Variants in DCC observed in about 807,000 individuals in gnomAD.
DCC encodes netrin receptor DCC.
Under a neutral mutation model 172.5 loss-of-function variants are expected in DCC, and 58 were observed. The observed-to-expected ratio is 0.34, with a 90% confidence interval of 0.27 to 0.42. DCC has a LOEUF of 0.42. Ranked by LOEUF, DCC falls within the 10% of genes least tolerant of loss-of-function variation. The pLI, the probability that DCC is intolerant of heterozygous loss-of-function variation, is 1.00. For missense variants in DCC, 1,740 were observed against 1,791.0 expected, an observed-to-expected ratio of 0.97 and a Z score of 0.51; for synonymous variants, 709 against 644.5, an observed-to-expected ratio of 1.10 and a Z score of -1.52.
intron 1 of DCC, among the ~76,000 whole-genome samples, chr18:52,432,918 C>T (rs958162275): frequency 3.3e-5 from 5 of 152,282 alleles, no homozygotes; most frequent in East Asian, 1.9e-4. Context: ...CTGTCCTGTG[C>T]TTCCATCTTT....
At chr18:53,494,282 A>G (rs1374544687) in intron 26 of DCC, among the ~76,000 whole-genome samples, 1 of 152,158 alleles carries the variant, frequency 6.6e-6, no homozygotes. Context: ...ATGTAGTGCT[A>G]CAAAGAATGT....
chr18:52,484,317 G>A (rs1180119728), intron 1 of DCC, among the ~76,000 whole-genome samples: 6 of 152,022 alleles, frequency 3.9e-5, no homozygotes, highest in African/African-American at 1.4e-4. Context: ...TTTGCTTTTG[G>A]TTGGTCATAC....
At chr18:53,121,566 C>G (rs927755416) in intron 7 of DCC, among the ~76,000 whole-genome samples, 3 of 151,814 alleles carry the variant, frequency 2.0e-5, no homozygotes, top group Admixed American at 2.0e-4. Context: ...CTCTGTTCCC[C>G]AGGATTATTT....
chr18:52,952,770 T>C (rs1002401427), intron 5 of DCC, among the ~76,000 whole-genome samples: 1 of 151,948 alleles, frequency 6.6e-6, no homozygotes, highest in South Asian at 2.1e-4. Context: ...GAGATCGAAG[T>C]GGGAAGATTG....
At chr18:53,183,740 C>T (rs1239717382) in intron 9 of DCC, among the ~76,000 whole-genome samples, 1 of 151,904 alleles carries the variant, frequency 6.6e-6, no homozygotes, top group African/African-American at 2.4e-5. Context: ...GAGGAATAGC[C>T]ATATTTGCTT....
intron 1 of DCC, among the ~76,000 whole-genome samples, chr18:52,605,372 A>G (rs943230606): frequency 2.6e-5 from 4 of 152,174 alleles, no homozygotes; most frequent in Non-Finnish European, 4.4e-5. Flanking sequence ...AAACCAGGAA[A>G]GAGACTGCAA....
In DCC at chr18:53,415,089, T is replaced by C. The variant is rs143431726; in HGVS notation, c.3131-1035T>C. ...TCTAAACATTCTTATTAGGCAATGA[T>C]TTGTGCTGCTTTATTTAGAAAAAGA... On this transcript the variant is annotated intron_variant, in intron 20 of 28. Coordinates refer to ENST00000442544, the MANE Select transcript of DCC (RefSeq NM_005215.4). Among the ~76,000 whole-genome samples the C allele has an allele frequency of 6.1e-3, 924 of 152,326 alleles. 4 individuals carry two copies. Among genetic ancestry groups the C allele is most frequent in the Non-Finnish European group, 0.011 (774 of 68,022 alleles).
chr18:53,340,028 C>T (rs1391526297), intron 15 of DCC, 121 bp downstream of exon 15: 2 of 724,242 alleles, frequency 2.8e-6, no homozygotes, highest in Non-Finnish European at 4.7e-6. Flanking sequence ...TGTATTAGCT[C>T]TGAAAGCAAC....
intron 7 of DCC, among the ~76,000 whole-genome samples, chr18:53,123,563 C>G (rs1388160624): frequency 6.6e-6 from 1 of 151,938 alleles, no homozygotes; most frequent in African/African-American, 2.4e-5. Context: ...TTAGTTTATT[C>G]CTCTTGAAAT....
chr18:52,997,428 T>TA (rs1353223145), intron 5 of DCC, among the ~76,000 whole-genome samples: 14 of 152,124 alleles, frequency 9.2e-5, no homozygotes, highest in Non-Finnish European at 1.5e-5. Flanking sequence ...GGTTTGAAAT[T>TA]ACCTAGATGA....
intron 7 of DCC, among the ~76,000 whole-genome samples, chr18:53,135,016 C>T (rs764278199): frequency 5.3e-5 from 8 of 152,126 alleles, no homozygotes; most frequent in Non-Finnish European, 8.8e-5. Context: ...GCATCTATGA[C>T]GTGAACACCA....
At chr18:52,963,823 C>T (rs945132901) in intron 5 of DCC, among the ~76,000 whole-genome samples, 16 of 133,464 alleles carry the variant, frequency 1.2e-4, no homozygotes, top group Admixed American at 9.7e-4. Context: ...TTCTGATTAT[C>T]TCTAGTTTTT....
intron 7 of DCC, among the ~76,000 whole-genome samples, chr18:53,074,845 T>C (rs2042703984): frequency 6.6e-6 from 1 of 152,156 alleles, no homozygotes; most frequent in African/African-American, 2.4e-5. Context: ...ATAGTGTATA[T>C]TTATGAAGAG....
chr18:52,944,897 G>A (rs564654999), intron 5 of DCC, among the ~76,000 whole-genome samples: 1 of 152,116 alleles, frequency 6.6e-6, no homozygotes, highest in Non-Finnish European at 1.5e-5. Context: ...CAAAGTTTTA[G>A]TTGTCTATTT....
At position 53,008,078 on chromosome 18, in the gene DCC, T is replaced by A. The variant is rs187094758; in HGVS notation, c.986-55227T>A. On this transcript the variant is annotated intron_variant, in intron 5 of 28. Transcript: ENST00000442544. ...CACCAGAATTTGTGCATAATATTACTAAATAATGCTTCTGAATCACATAGA... is the reference window on the plus strand; with the variant it reads ...CACCAGAATTTGTGCATAATATTACAAAATAATGCTTCTGAATCACATAGA... Among the ~76,000 whole-genome samples the A allele has an allele frequency of 3.7e-4, 56 of 152,254 alleles. No individual in the cohort carries two copies. The East Asian group carries it at 0.01, about 28-fold the overall frequency.
At chr18:53,007,852 A>G (rs1310990139) in intron 5 of DCC, among the ~76,000 whole-genome samples, 1 of 152,144 alleles carries the variant, frequency 6.6e-6, no homozygotes, top group Non-Finnish European at 1.5e-5. Context: ...AGCTCAAGAC[A>G]TAAAGTCATT....
At chr18:53,295,780 C>A (rs957767243) in intron 12 of DCC, among the ~76,000 whole-genome samples, 1 of 152,194 alleles carries the variant, frequency 6.6e-6, no homozygotes, top group Non-Finnish European at 1.5e-5. Flanking sequence ...TTCAGAAAAC[C>A]TTATCCATGT....
intron 7 of DCC, among the ~76,000 whole-genome samples, chr18:53,105,783 A>C (rs1389562140): frequency 6.6e-6 from 1 of 151,536 alleles, no homozygotes; most frequent in African/African-American, 2.4e-5. Context: ...CGAATAGGTT[A>C]TTTTCTTATC....
chr18:52,451,380 A>G (rs949755122), intron 1 of DCC, among the ~76,000 whole-genome samples: 1 of 152,174 alleles, frequency 6.6e-6, no homozygotes, highest in Non-Finnish European at 1.5e-5. Flanking sequence ...TTGCACAACC[A>G]CAAAAAGGAG....
Sources: allele counts gnomAD v4.1 joint callset (sites outside exome capture counted in the v4.1 genomes callset), GRCh38; gene constraint gnomAD v4.1.1; transcripts MANE v1.5; gene names NCBI Gene and HGNC (gene_info 2026-07-23, HGNC 2026-07-21).